The following PDK1 variants were observed in gnomAD, a reference collection of about 807,000 sequenced individuals.
The protein encoded by PDK1 is pyruvate dehydrogenase kinase 1.
A neutral mutation model predicts 54.2 loss-of-function variants in PDK1; 39 were observed. That is an observed-to-expected ratio of 0.72 (90% CI 0.56 to 0.94). The LOEUF is 0.94. Ranked by LOEUF, PDK1 falls within the 40% of genes least tolerant of loss-of-function variation. The pLI, the probability that PDK1 is intolerant of heterozygous loss-of-function variation, is 0.00. For missense variants in PDK1, 552 were observed against 566.0 expected, an observed-to-expected ratio of 0.98 and a Z score of 0.25; for synonymous variants, 221 against 207.1, an observed-to-expected ratio of 1.07 and a Z score of -0.58.
At chr2:172,587,938 C>T (rs1048978090) in intron 9 of PDK1, among the ~76,000 whole-genome samples, 5 of 152,152 alleles carry the variant, frequency 3.3e-5, no homozygotes, top group Non-Finnish European at 7.3e-5. Context: ...TTTAGCTAGA[C>T]ACAGAGTGCT....
chr2:172,722,137 G>C, the PDK1 span, among the ~76,000 whole-genome samples: 1 of 152,260 alleles, frequency 6.6e-6, no homozygotes, highest in Non-Finnish European at 1.5e-5. Context: ...AATGCCCACA[G>C]TGATGTGGGA....
At chr2:172,724,100 T>C in the PDK1 span, 6 of 152,342 alleles carry the variant, frequency 3.9e-5, no homozygotes, top group Non-Finnish European at 5.9e-5. Flanking sequence ...CTTTAATGAT[T>C]CCACAATTTA....
chr2:172,560,617 A>G (rs970477126), intron 2 of PDK1, among the ~76,000 whole-genome samples: 2 of 152,222 alleles, frequency 1.3e-5, no homozygotes, highest in Admixed American at 6.5e-5. Context: ...AAATATATGA[A>G]AGGATATATG....
chr2:172,617,627 T>C, the PDK1 span, among the ~76,000 whole-genome samples: 1 of 151,882 alleles, frequency 6.6e-6, no homozygotes, highest in Non-Finnish European at 1.5e-5. Flanking sequence ...CTAATGGCAT[T>C]AACCTATCCA....
chr2:172,656,450 A>G, the PDK1 span, among the ~76,000 whole-genome samples: 1 of 152,058 alleles, frequency 6.6e-6, no homozygotes, highest in African/African-American at 2.4e-5. Context: ...GGTCTCCCCC[A>G]TGCTCCTCCC....
the PDK1 span, among the ~76,000 whole-genome samples, chr2:172,622,048 ATATGTGAGATATGTTTATATCTCATATAT>A: frequency 6.9e-4 from 101 of 147,400 alleles, 1 homozygote; most frequent in South Asian, 1.7e-3. Context: ...TATATCTCAT[ATATGTGAGATATGTTTATATCTCATATAT>A]TATGTGAGAT....
At chr2:172,621,835 CTCATATGTATGATACATGTTT>C in the PDK1 span, among the ~76,000 whole-genome samples, 2 of 120,954 alleles carry the variant, frequency 1.7e-5, no homozygotes, top group African/African-American at 5.8e-5. Flanking sequence ...ATGTTTATAT[CTCATATGTATGATACATGTTT>C]ATATCTCATA....
the PDK1 span, among the ~76,000 whole-genome samples, chr2:172,649,051 C>A: frequency 7.2e-5 from 11 of 152,322 alleles, no homozygotes; most frequent in East Asian, 1.4e-3. Context: ...GGGTCCCTGA[C>A]CCCCAAGTAG....
chr2:172,689,237 G>T, the PDK1 span, among the ~76,000 whole-genome samples: 1 of 152,072 alleles, frequency 6.6e-6, no homozygotes, highest in Non-Finnish European at 1.5e-5. Context: ...AGCACCGATT[G>T]GTGCATTTTT....
chr2:172,721,529 G>A, the PDK1 span, among the ~76,000 whole-genome samples: 1 of 152,026 alleles, frequency 6.6e-6, no homozygotes, highest in Admixed American at 6.6e-5. Context: ...GCAGAGACGG[G>A]GTTTCACCAT....
the PDK1 span, among the ~76,000 whole-genome samples, chr2:172,687,685 G>A: frequency 6.6e-6 from 1 of 152,134 alleles, no homozygotes; most frequent in Non-Finnish European, 1.5e-5. Flanking sequence ...TCTTTCTCAG[G>A]CTGGGGTTGC....
chr2:172,622,549 A>ATC, the PDK1 span, among the ~76,000 whole-genome samples: 7 of 147,924 alleles, frequency 4.7e-5, no homozygotes, highest in African/African-American at 1.7e-4. Flanking sequence ...ATATGTTTAT[A>ATC]TCATGTGAGA....
At chr2:172,654,597 C>G in the PDK1 span, among the ~76,000 whole-genome samples, 1 of 149,276 alleles carries the variant, frequency 6.7e-6, no homozygotes, top group South Asian at 2.2e-4. Context: ...ACATCACACA[C>G]CGGGGCCTGT....
chr2:172,579,396 G>A (rs1221690699), intron 8 of PDK1, among the ~76,000 whole-genome samples: 2 of 152,038 alleles, frequency 1.3e-5, no homozygotes, highest in Non-Finnish European at 2.9e-5. Flanking sequence ...AATGCTTACT[G>A]TTCTTATACG....
upstream of PDK1, chr2:172,555,815 G>A (rs1389295500): frequency 2.2e-5 from 5 of 223,300 alleles, no homozygotes; most frequent in East Asian, 1.8e-4. Flanking sequence ...TACGGGGACG[G>A]CCGACACGCT....
At chr2:172,648,692 G>A in the PDK1 span, among the ~76,000 whole-genome samples, 2 of 152,314 alleles carry the variant, frequency 1.3e-5, no homozygotes, top group East Asian at 1.9e-4. Context: ...TATATCCCGC[G>A]CCTGGCTCGG....
the PDK1 span, among the ~76,000 whole-genome samples, chr2:172,650,225 A>G: frequency 0.053 from 8,022 of 152,274 alleles, 402 homozygotes; most frequent in East Asian, 0.22. Context: ...AGAATTTCAT[A>G]TCCAGCCAAA....
At chr2:172,658,450 ATG>A in the PDK1 span, among the ~76,000 whole-genome samples, 1 of 152,172 alleles carries the variant, frequency 6.6e-6, no homozygotes, top group Non-Finnish European at 1.5e-5. Flanking sequence ...ATTGTAAAAC[ATG>A]TGTGTTTGAA....
chr2:172,661,905 G>A, the PDK1 span, among the ~76,000 whole-genome samples: 1 of 152,122 alleles, frequency 6.6e-6, no homozygotes, highest in African/African-American at 2.4e-5. Context: ...CTAAGCATCA[G>A]GCAACATGCC....
Sources: allele counts gnomAD v4.1 joint callset (sites outside exome capture counted in the v4.1 genomes callset), GRCh38; gene constraint gnomAD v4.1.1; transcripts MANE v1.5; gene names NCBI Gene and HGNC (gene_info 2026-07-23, HGNC 2026-07-21).